The following DSCAML1 variants were observed in gnomAD, a reference collection of about 807,000 sequenced individuals.
DSCAML1 encodes the protein DS cell adhesion molecule like 1.
DSCAML1 carries 38 observed loss-of-function variants against 200.5 expected under a neutral mutation model. The ratio of observed to expected loss-of-function variants is 0.19; its 90% CI spans 0.15 to 0.25. DSCAML1 has a LOEUF of 0.25. DSCAML1 is among the 10% of genes least tolerant of loss of function. The pLI, the probability that DSCAML1 is intolerant of heterozygous loss-of-function variation, is 1.00. For synonymous variants in DSCAML1, 1,215 were observed against 1,165.0 expected (o/e 1.04, Z -0.87); for missense variants, 2,223 against 2,858.8 (o/e 0.78, Z 5.07).
intron 4 of DSCAML1, among the ~76,000 whole-genome samples, chr11:117,530,069 T>C (rs1157797118): frequency 6.6e-6 from 1 of 152,088 alleles, no homozygotes; most frequent in Non-Finnish European, 1.5e-5. Context: ...CAATCTCTCT[T>C]TGTGCCGGGG....
chr11:117,445,337 G>GC, intron 20 of DSCAML1, among the ~76,000 whole-genome samples: 1 of 152,166 alleles, frequency 6.6e-6, no homozygotes, highest in Non-Finnish European at 1.5e-5. Flanking sequence ...AGGTCCGGGG[G>GC]GGCAGGTGCA....
At chr11:117,588,997 A>G (rs981185049) in intron 3 of DSCAML1, among the ~76,000 whole-genome samples, 1 of 152,152 alleles carries the variant, frequency 6.6e-6, no homozygotes, top group Non-Finnish European at 1.5e-5. Context: ...AAGGACACAC[A>G]GGGGGAGAGG....
At chr11:117,715,387 G>A (rs1002515416) in intron 3 of DSCAML1, among the ~76,000 whole-genome samples, 85 of 152,260 alleles carry the variant, frequency 5.6e-4, no homozygotes, top group African/African-American at 2.0e-3. Context: ...ACCCCCAGCC[G>A]TAGCCCAGTC....
chr11:117,689,825 A>C (rs986441830), intron 3 of DSCAML1, among the ~76,000 whole-genome samples: 1 of 152,186 alleles, frequency 6.6e-6, no homozygotes, highest in Non-Finnish European at 1.5e-5. Context: ...ATCAGAAATT[A>C]CCCTGGAACT....
At chr11:117,625,070 G>A (rs1279940924) in intron 3 of DSCAML1, among the ~76,000 whole-genome samples, 1 of 152,074 alleles carries the variant, frequency 6.6e-6, no homozygotes, top group Admixed American at 6.5e-5. Context: ...TCCAACGTGT[G>A]GTCAGGTCTG....
At chr11:117,563,025 G>A (rs1388394529) in intron 3 of DSCAML1, among the ~76,000 whole-genome samples, 1 of 152,178 alleles carries the variant, frequency 6.6e-6, no homozygotes, top group African/African-American at 2.4e-5. Context: ...ACTCATTGAC[G>A]TGCCCCCGTT....
At chr11:117,429,457 G>A (rs2047738799) in intron 32 of DSCAML1, among the ~76,000 whole-genome samples, 1 of 151,742 alleles carries the variant, frequency 6.6e-6, no homozygotes, top group South Asian at 2.1e-4. Flanking sequence ...AGGCTGGAGT[G>A]CAGTGGCATG....
At chr11:117,460,288 C>T (rs775546419) in intron 18 of DSCAML1, among the ~76,000 whole-genome samples, 2 of 152,158 alleles carry the variant, frequency 1.3e-5, no homozygotes, top group Non-Finnish European at 2.9e-5. Flanking sequence ...GAGCTAGAGC[C>T]CTCTGCTTTT....
chr11:117,796,170 C>T (rs2055569465), intron 1 of DSCAML1, among the ~76,000 whole-genome samples: 1 of 152,254 alleles, frequency 6.6e-6, no homozygotes, highest in African/African-American at 2.4e-5. Context: ...TCCCGGCTGC[C>T]TCGCGGATCA....
intron 3 of DSCAML1, among the ~76,000 whole-genome samples, chr11:117,630,477 C>A (rs933375085): frequency 1.8e-4 from 27 of 152,032 alleles, no homozygotes; most frequent in African/African-American, 6.5e-4. Flanking sequence ...ACAGCCCACC[C>A]TGCTGAGGGA....
chr11:117,577,599 C>T (rs1266549994), intron 3 of DSCAML1, among the ~76,000 whole-genome samples: 1 of 146,724 alleles, frequency 6.8e-6, no homozygotes, highest in Non-Finnish European at 1.5e-5. Context: ...CGGAGCCTCG[C>T]TCTGTCGCCC....
At chr11:117,560,032 G>T (rs1471567078) in intron 3 of DSCAML1, among the ~76,000 whole-genome samples, 2 of 152,044 alleles carry the variant, frequency 1.3e-5, no homozygotes, top group Non-Finnish European at 2.9e-5. Context: ...ATTTAGACAG[G>T]CCCGGCTGCT....
chr11:117,779,233 C>T (rs917756006), intron 2 of DSCAML1, among the ~76,000 whole-genome samples: 1 of 152,092 alleles, frequency 6.6e-6, no homozygotes, highest in Non-Finnish European at 1.5e-5. Flanking sequence ...AAGTTGAAAA[C>T]CATTCCCAAA....
chr11:117,504,447 C>A lies in DSCAML1; in HGVS notation c.2183-426G>T, dbSNP rs997922445. ...ATCCTCCAAGGGGGCCTTGTGGGCA[C>A]CCCCTGTCCCTCCATTCCCCAGTGT... On this transcript the variant is annotated intron_variant, in intron 10 of 32. Coordinates refer to ENST00000651296, the MANE Select transcript of DSCAML1 (RefSeq NM_020693.4). This position sits in a 1 kb window ranked among gnomAD's most constrained non-coding sequence, Gnocchi z 5.0. 7.9e-5 allele frequency among the ~76,000 whole-genome samples: 12 copies of A among 152,310 alleles called. No individual in the cohort carries two copies. The highest frequency in any genetic ancestry group is 4.1e-4 in the South Asian group (2 of 4,830).
intron 20 of DSCAML1, among the ~76,000 whole-genome samples, chr11:117,446,170 CCTGA>C (rs1458353526): frequency 6.6e-6 from 1 of 152,184 alleles, no homozygotes; most frequent in Admixed American, 6.5e-5. Flanking sequence ...TTGAGACCAG[CCTGA>C]CTAACATGGT....
At chr11:117,714,999 C>A (rs7107887) in intron 3 of DSCAML1, among the ~76,000 whole-genome samples, 22,128 of 151,938 alleles carry the variant, frequency 0.15, 3,222 homozygotes, top group African/African-American at 0.37. Flanking sequence ...AGACCCAAAC[C>A]AACCATGCCA....
At chr11:117,718,679 C>CCT (rs1555201957) in intron 3 of DSCAML1, among the ~76,000 whole-genome samples, 1 of 96,106 alleles carries the variant, frequency 1.0e-5, no homozygotes, top group South Asian at 4.5e-4. Context: ...CCCCCCCCCC[C>CCT]CCCCATCATA....
intron 3 of DSCAML1, among the ~76,000 whole-genome samples, chr11:117,573,488 G>A (rs575652953): frequency 6.6e-6 from 1 of 152,272 alleles, no homozygotes; most frequent in South Asian, 2.1e-4. Context: ...CCTAGCCGGT[G>A]GTACCTCGGG....
At chr11:117,713,004 C>A (rs1354108677) in intron 3 of DSCAML1, among the ~76,000 whole-genome samples, 4 of 152,110 alleles carry the variant, frequency 2.6e-5, no homozygotes, top group Non-Finnish European at 4.4e-5. Context: ...CCCGTAACCC[C>A]CCAACACCCA....
Sources: gnomAD v4.1 joint callset for allele counts (sites outside exome capture counted in the v4.1 genomes callset) on GRCh38, gnomAD v4.1.1 for gene constraint, Gnocchi (gnomAD v3.1) non-coding constraint, MANE v1.5 for transcripts, NCBI Gene and HGNC (gene_info 2026-07-23, HGNC 2026-07-21) for gene names.